The following NFKBIZ variants were observed in gnomAD, a reference collection of about 807,000 sequenced individuals.
NFKBIZ encodes NFKB inhibitor zeta, also known as NF-kappa-B inhibitor zeta.
In NFKBIZ, 19 loss-of-function variants were observed where a neutral mutation model predicts 76.8. The ratio of observed to expected loss-of-function variants is 0.25; its 90% CI spans 0.17 to 0.36. The LOEUF (loss-of-function observed/expected upper bound fraction) is 0.36. NFKBIZ is among the 10% of genes least tolerant of loss of function. The pLI, the probability that NFKBIZ is intolerant of heterozygous loss-of-function variation, is 1.00. For synonymous variants in NFKBIZ, 368 were observed against 354.8 expected (o/e 1.04, Z -0.42); for missense variants, 829 against 910.9 (o/e 0.91, Z 1.16).
rs370141285 is a variant in NFKBIZ at position 101,853,119 on chromosome 3, A to G, written c.593A>G (p.Glu198Gly). The change falls in exon 5 of 12, where the codon GAG becomes GGG. Residue 198 changes from glutamate to glycine, a missense_variant. By Grantham distance (98) the Glu-to-Gly change is moderately conservative (BLOSUM62 -2). Transcript: ENST00000326172. ...LTPPQTPTPG[E>G]SMEDVHLNEP... ...CCACCTCAAACACCAACGCCCGGGG[A>G]GAGCATGGAAGATGTTCATCTCAAT... 70 of 1,613,852 alleles carry G rather than the reference A, an allele frequency of 4.3e-5. No homozygotes were observed. Among genetic ancestry groups the G allele is most frequent in the Middle Eastern group, 1.6e-4 (1 of 6,084 alleles).
chr3:101,853,757 A>G lies in NFKBIZ; in HGVS notation c.1231A>G (p.Thr411Ala). 1 of 1,614,228 alleles carries G rather than the reference A, an allele frequency of 6.2e-7. No individual in the cohort carries two copies. The highest frequency in any genetic ancestry group is 1.3e-5 in the African/African-American group (1 of 75,078). The part of the protein sequence containing the change: ...FSNMGNPMNT[T>A]QLGKSLFQWQ... ...AAACATGGGAAATCCAATGAACACC[A>G]CACAGTTAGGGAAATCACTTTTTCA... is the stretch of plus-strand genomic sequence containing the variant. The change falls in exon 5 of 12, where the codon ACA becomes GCA. Residue 411 changes from threonine to alanine, a missense_variant. By Grantham distance (58) the Thr-to-Ala change is moderately conservative (BLOSUM62 0). This residue lies in a region of NFKBIZ where 272 missense variants were observed against 384.2 expected (regional missense o/e 0.71). Coordinates refer to ENST00000326172, the MANE Select transcript of NFKBIZ (RefSeq NM_031419.4).
Position 101,855,397 on chromosome 3 carries a change from G to T in NFKBIZ, c.1593G>T (p.Ala531=). The T allele has an allele frequency of 6.2e-7, 1 of 1,614,186 alleles. No individual in the cohort carries two copies. Among genetic ancestry groups the T allele is most frequent in the Non-Finnish European group, 8.5e-7 (1 of 1,180,012 alleles). The change falls in exon 8 of 12, where the codon GCG becomes GCT. Residue 531 remains alanine (A), a splice_region_variant and synonymous_variant. Transcript: ENST00000326172. ...ATGTCTGTTTTTAAAATCTGCAGGCGATTCAGAAGGGAGCAGTGGGAAGTA... is the reference window on the plus strand; with the variant it reads ...ATGTCTGTTTTTAAAATCTGCAGGCTATTCAGAAGGGAGCAGTGGGAAGTA... The part of the protein sequence containing the change: ...AEKGHSQVLQ[A]IQKGAVGSNQ...
At chr3:101,836,321 G>A (rs2107396976) in intron 2 of NFKBIZ, among the ~76,000 whole-genome samples, 1 of 152,324 alleles carries the variant, frequency 6.6e-6, no homozygotes, top group East Asian at 1.9e-4. Flanking sequence ...CTGCTTTGTT[G>A]TCACACTGGT....
At chr3:101,842,538 A>G (rs1942797635) in intron 2 of NFKBIZ, among the ~76,000 whole-genome samples, 1 of 150,906 alleles carries the variant, frequency 6.6e-6, no homozygotes, top group African/African-American at 2.4e-5. Flanking sequence ...TTAAAACATT[A>G]TGAGATTCTT....
chr3:101,857,032 G>GA, intron 9 of NFKBIZ, 41 bp from the exon 10 acceptor site: 1 of 1,335,600 alleles, frequency 7.5e-7, no homozygotes, highest in Non-Finnish European at 1.1e-6. Flanking sequence ...ATAGTATCTG[G>GA]ATTTTTTTTT....
In NFKBIZ at chr3:101,833,793, A is replaced by T. The variant is rs1418322036; in HGVS notation, c.-12+4105A>T. ...ATTGAACAGTATCCAGCATTTAGAT[A>T]AGAAAGGGATTGTTAAACCCAACAG... On this transcript the variant is annotated intron_variant, in intron 2 of 12. Transcript: ENST00000394054. Among the ~76,000 whole-genome samples, 5 of 152,314 alleles carry T rather than the reference A, an allele frequency of 3.3e-5. No homozygotes were observed. In the East Asian group the frequency reaches 9.6e-4, roughly 29 times the overall value.
At chr3:101,843,038 A>C (rs1166576804) in intron 2 of NFKBIZ, among the ~76,000 whole-genome samples, 1 of 148,260 alleles carries the variant, frequency 6.7e-6, no homozygotes, top group Admixed American at 6.6e-5. Context: ...AAAAAAAAAA[A>C]AAAAAAAAAA....
intron 2 of NFKBIZ, among the ~76,000 whole-genome samples, chr3:101,837,564 A>AC (rs1437925394): frequency 1.3e-5 from 2 of 152,056 alleles, no homozygotes; most frequent in Admixed American, 6.6e-5. Context: ...CACCTTTCTG[A>AC]TGGGGCATGC....
chr3:101,836,184 A>T (rs1185667010), intron 2 of NFKBIZ, among the ~76,000 whole-genome samples: 1 of 152,130 alleles, frequency 6.6e-6, no homozygotes, highest in Non-Finnish European at 1.5e-5. Flanking sequence ...TGGAATTAGA[A>T]CTCAGAGAAA....
intron 1 of NFKBIZ, among the ~76,000 whole-genome samples, chr3:101,829,045 C>T (rs1251348758): frequency 4.6e-5 from 7 of 152,188 alleles, no homozygotes; most frequent in Non-Finnish European, 1.0e-4. Flanking sequence ...TCATTCACCA[C>T]CCCGCATAAT....
rs1417271743 is a variant in NFKBIZ at position 101,852,088 on chromosome 3, A to G, written c.293A>G (p.Glu98Gly). Residue 98 changes from glutamate (E) to glycine (G), a missense_variant, in exon 2 of 12, where the codon GAG (glutamate) becomes GGG (glycine). Glu to Gly is a moderately conservative substitution (Grantham distance 98, BLOSUM62 -2). Around this residue, in one of 4 missense-constraint regions of NFKBIZ, gnomAD observed 181 missense variants for 175.3 expected, o/e 1.03. Transcript: ENST00000326172. ...TGTTTTGTTTTCTTTTGAACAGTTG[A>G]GCCCCATATGGGGGTTGGCAGGCAG... ...GGARAERQPV[E>G]PHMGVGRQQR... 6.2e-7 allele frequency: 1 copy of G among 1,613,632 alleles called. No individual in the cohort carries two copies. Among genetic ancestry groups the G allele is most frequent in the Admixed American group, 1.7e-5 (1 of 59,836 alleles).
Sources: allele counts gnomAD v4.1 joint callset (sites outside exome capture counted in the v4.1 genomes callset), GRCh38; gene constraint gnomAD v4.1.1; regional missense constraint gnomAD v4.1.1; transcripts MANE v1.5; gene names NCBI Gene and HGNC (gene_info 2026-07-23, HGNC 2026-07-21).